The following HEATR1 variants were observed in gnomAD, a reference collection of about 807,000 sequenced individuals.
The protein encoded by HEATR1 is HEAT repeat-containing protein 1.
Under a neutral mutation model 248.2 loss-of-function variants are expected in HEATR1, and 77 were observed. That is an observed-to-expected ratio of 0.31 (90% confidence interval 0.26 to 0.37). HEATR1 has a LOEUF of 0.37. Ranked by LOEUF, HEATR1 falls within the 10% of genes least tolerant of loss-of-function variation. The pLI, the probability that HEATR1 is intolerant of heterozygous loss-of-function variation, is 1.00. For missense variants in HEATR1, 2,420 were observed against 2,504.9 expected, an observed-to-expected ratio of 0.97 and a Z score of 0.72; for synonymous variants, 897 against 923.1, an observed-to-expected ratio of 0.97 and a Z score of 0.51.
At position 236,553,014 on chromosome 1, in the gene HEATR1, C is replaced by T. The variant is rs962838423; in HGVS notation, c.6237+567G>A. 3 of 152,144 alleles carry T rather than the reference C, an allele frequency of 2.0e-5. No homozygotes were observed. In the East Asian group the frequency reaches 5.8e-4, roughly 29 times the overall value. 9.4% of individuals were successfully genotyped at this position (152,144 alleles called of 1,614,324 possible). A position where few individuals can be genotyped will look rare whatever the true frequency, so the allele number is the denominator to read the frequency against. On this transcript the variant is annotated intron_variant, in intron 43 of 44. Coordinates refer to ENST00000366582, the MANE Select transcript of HEATR1 (RefSeq NM_018072.6). ...TTGGTCTGTTATAGCCAGTAAAGTTCTAATACAATCATTAGTTTGAGAAAT... is the reference window on the plus strand; with the variant it reads ...TTGGTCTGTTATAGCCAGTAAAGTTTTAATACAATCATTAGTTTGAGAAAT...
Position 236,569,006 on chromosome 1 carries a change from G to T in HEATR1, c.4067C>A (p.Ala1356Glu), listed in dbSNP as rs1208032940. 1 of 1,598,894 alleles carries T rather than the reference G, an allele frequency of 6.3e-7. No homozygotes were observed. The highest frequency in any genetic ancestry group is 1.3e-5 in the African/African-American group (1 of 74,126). ...INKTVKMVIP[A>E]LIQSDSGDSI... ...ATAAAGAGACCTTACCTGAATAAGT[G>T]CGGGAATAACCATTTTCACTGTCTT... Residue 1356 changes from alanine (A) to glutamate (E), a missense_variant, in exon 29 of 45, where the codon GCA becomes GAA. Transcript: ENST00000366582.
Position 236,586,388 on chromosome 1 carries a change from G to C in HEATR1, c.1780C>G (p.Gln594Glu). ...IKEEILSEND[Q>E]LSNQVVVCLL... is the part of the protein sequence containing the mutation. ...CATACAACCACCTGATTTGACAACT[G>C]ATCATTTTCACTCAGTATCTCTTCT... is the stretch of plus-strand genomic sequence containing the variant. Residue 594 changes from glutamine to glutamate, a missense_variant, in exon 15 of 45, where the codon CAG becomes GAG. Physicochemically the swap from Gln to Glu is conservative, Grantham distance 29. Transcript: ENST00000366582. 4.3e-6 allele frequency: 7 copies of C among 1,613,192 alleles called. No individual in the cohort carries two copies. The highest frequency in any genetic ancestry group is 5.1e-6 in the Non-Finnish European group (6 of 1,179,328).
Position 236,596,061 on chromosome 1 carries a change from T to A in HEATR1, c.745-17A>T. ...TTTCAATCCCTAAATATTTTTTAAA[T>A]ATAAGGAAAAATGATAAACCATATT... On this transcript the variant is annotated splice_polypyrimidine_tract_variant and intron_variant, in intron 6 of 44. Transcript: ENST00000366582. The A allele has an allele frequency of 6.5e-7, 1 of 1,543,100 alleles. No individual in the cohort carries two copies. Among genetic ancestry groups the A allele is most frequent in the Admixed American group, 1.7e-5 (1 of 58,110 alleles).
At chr1:236,586,169 A>C in intron 15 of HEATR1, 72 bp downstream of exon 15, 8 of 1,361,454 alleles carry the variant, frequency 5.9e-6, no homozygotes, top group Non-Finnish European at 8.0e-6. Context: ...ACCAACAATA[A>C]ATTTTAAATT....
rs1264215165 is a variant in HEATR1, at chr1:236,566,597, CTG to C, written c.4308+47_4308+48del. The C allele has an allele frequency of 2.3e-6, 3 of 1,324,736 alleles. No homozygotes were observed. In the Admixed American group the frequency reaches 5.5e-5, roughly 24 times the overall value. The allele number at this position is 1,324,736 out of a possible 1,614,324, so 82.1% of individuals were successfully genotyped here. A position where few individuals can be genotyped will look rare whatever the true frequency, so the allele number is the denominator to read the frequency against. On this transcript the variant is annotated intron_variant, in intron 30 of 44. Coordinates refer to ENST00000366582, the MANE Select transcript of HEATR1 (RefSeq NM_018072.6). ...TTTAAACTGGACAATATCATAAAAT[CTG>C]TGTGAGAAATCACCATTTTCCTTAT... is the stretch of plus-strand genomic sequence containing the variant.
Position 236,595,928 on chromosome 1 carries a change from G to C in HEATR1, c.861C>G (p.Ile287Met). The change falls in exon 7 of 45, where the codon ATC becomes ATG. Residue 287 changes from isoleucine to methionine, a missense_variant. Transcript: ENST00000366582. ...TFVNSLASQI[I>M]KTLTKIPSLI... ...AAGAGGGAATCTTGGTCAATGTTTT[G>C]ATGATCTGTGATGCCAATGAATTCA... The C allele has an allele frequency of 6.2e-7, 1 of 1,613,842 alleles. No homozygotes were observed. Among genetic ancestry groups the C allele is most frequent in the Non-Finnish European group, 8.5e-7 (1 of 1,179,778 alleles).
At chr1:236,597,119 T>C (rs1664197461) in intron 5 of HEATR1, 143 bp from the exon 6 acceptor site, 2 of 478,130 alleles carry the variant, frequency 4.2e-6, no homozygotes, top group African/African-American at 2.1e-5. Flanking sequence ...AGCAAGTCCA[T>C]GTCTCCAAAA....
In HEATR1 at chr1:236,549,788, G is replaced by T. The variant is rs1371875174; in HGVS notation, c.*1114C>A. Reference sequence around the variant, plus strand: ...AAATAGCCCACTCACATCATTCCTTGTAAGTCTTAAGTTCATTTTCATTTT... The same window carrying T: ...AAATAGCCCACTCACATCATTCCTTTTAAGTCTTAAGTTCATTTTCATTTT... On this transcript the variant is annotated 3_prime_UTR_variant, in exon 45 of 45. Coordinates refer to ENST00000366582, the MANE Select transcript of HEATR1 (RefSeq NM_018072.6). The T allele has an allele frequency of 6.6e-6, 1 of 152,120 alleles. No homozygotes were observed. 9.4% of individuals were successfully genotyped at this position (152,120 alleles called of 1,614,324 possible). A position where few individuals can be genotyped will look rare whatever the true frequency, so the allele number is the denominator to read the frequency against.
chr1:236,553,498 G>C (rs1369677063), intron 43 of HEATR1, 83 bp downstream of exon 43: 1 of 1,326,036 alleles, frequency 7.5e-7, no homozygotes, highest in African/African-American at 1.5e-5. Context: ...TTACTAGGGG[G>C]CCTACATCTG....
intron 24 of HEATR1, 133 bp from the exon 25 acceptor site, chr1:236,572,961 C>G: frequency 2.5e-6 from 2 of 784,868 alleles, no homozygotes; most frequent in African/African-American, 1.7e-5. Context: ...ATCTGAACCC[C>G]CCCCAGCATT....
intron 24 of HEATR1, among the ~76,000 whole-genome samples, chr1:236,573,078 G>A (rs191802069): frequency 6.6e-6 from 1 of 152,276 alleles, no homozygotes; most frequent in Admixed American, 6.5e-5. Context: ...TTCAACTTCA[G>A]ATTTTCATTT....
chr1:236,594,882 C>T (rs552076446), intron 8 of HEATR1, among the ~76,000 whole-genome samples: 75 of 152,192 alleles, frequency 4.9e-4, no homozygotes, highest in African/African-American at 1.7e-3. Context: ...CCTGTAGCCT[C>T]GAACTCCCTG....
chr1:236,594,348 G>A (rs1281920531), intron 8 of HEATR1, among the ~76,000 whole-genome samples: 1 of 151,962 alleles, frequency 6.6e-6, no homozygotes, highest in East Asian at 1.9e-4. Context: ...TTTTTAACAA[G>A]TACTATCATG....
chr1:236,598,863 C>G (rs540769455), intron 4 of HEATR1, among the ~76,000 whole-genome samples: 1 of 152,162 alleles, frequency 6.6e-6, no homozygotes, highest in Non-Finnish European at 1.5e-5. Flanking sequence ...CTACTTTCCT[C>G]CACCATATGT....
chr1:236,570,054 C>T (rs190759289), intron 28 of HEATR1, among the ~76,000 whole-genome samples: 20 of 152,148 alleles, frequency 1.3e-4, no homozygotes, highest in African/African-American at 3.9e-4. Flanking sequence ...TTTGGGAGGC[C>T]GAGGCGGGCG....
intron 4 of HEATR1, among the ~76,000 whole-genome samples, chr1:236,598,592 T>TA (rs1377510256): frequency 1.3e-5 from 2 of 152,158 alleles, no homozygotes; most frequent in Non-Finnish European, 2.9e-5. Context: ...GAAGAGCAGT[T>TA]AATGAGCTTT....
intron 11 of HEATR1, 123 bp from the exon 12 acceptor site, chr1:236,591,077 C>T: frequency 2.3e-6 from 1 of 428,598 alleles, no homozygotes; most frequent in Non-Finnish European, 4.1e-6. Flanking sequence ...CATCTAACTA[C>T]AGAAAACAAA....
chr1:236,581,515 T>A (rs1663739160), intron 19 of HEATR1, 101 bp from the exon 20 acceptor site: 1 of 825,192 alleles, frequency 1.2e-6, no homozygotes, highest in East Asian at 2.9e-5. Context: ...AACAAATAAT[T>A]TAAGGCAAAG....
intron 5 of HEATR1, 51 bp from the exon 6 acceptor site, chr1:236,597,027 A>G (rs760074561): frequency 2.2e-5 from 34 of 1,572,766 alleles, no homozygotes; most frequent in Non-Finnish European, 2.9e-5. Context: ...AGGGAGGTAG[A>G]AGGATTGCTT....
Sources: gnomAD v4.1 joint callset for allele counts (sites outside exome capture counted in the v4.1 genomes callset) on GRCh38, gnomAD v4.1.1 for gene constraint, MANE v1.5 for transcripts, NCBI Gene and HGNC (gene_info 2026-07-23, HGNC 2026-07-21) for gene names.